Variants in SLC24A2 observed in about 807,000 individuals in gnomAD.
SLC24A2 encodes solute carrier family 24 member 2.
A neutral mutation model predicts 62.0 loss-of-function variants in SLC24A2; 36 were observed. The observed-to-expected ratio is 0.58, with a 90% CI of 0.44 to 0.77. The LOEUF is 0.77. Among genes scored for constraint, SLC24A2 ranks in the 30% least tolerant of loss-of-function variants. The probability of loss-of-function intolerance (pLI) is 0.00; values close to 1 mark genes in which losing one functional copy is unlikely to be tolerated. For synonymous variants in SLC24A2, 358 were observed against 294.0 expected (o/e 1.22, Z -2.23); for missense variants, 846 against 817.9 (o/e 1.03, Z -0.42).
intron 7 of SLC24A2, among the ~76,000 whole-genome samples, chr9:19,561,029 A>C (rs996644046): frequency 1.3e-5 from 2 of 150,924 alleles, no homozygotes; most frequent in Admixed American, 1.3e-4. Flanking sequence ...AGGTTTGAGG[A>C]ATTCTCTTTC....
intron 4 of SLC24A2, among the ~76,000 whole-genome samples, chr9:19,600,322 G>A (rs1184451600): frequency 6.6e-6 from 1 of 152,160 alleles, no homozygotes; most frequent in Non-Finnish European, 1.5e-5. Context: ...TCTCCCTTAC[G>A]TATATTACTA....
At chr9:20,283,763 G>C in the SLC24A2 span, among the ~76,000 whole-genome samples, 69,146 of 139,118 alleles carry the variant, frequency 0.5, 17,340 homozygotes, top group African/African-American at 0.63. Context: ...GGGGGGGGGG[G>C]CTTTAATCTT....
chr9:19,566,554 C>A (rs185073066), intron 7 of SLC24A2, among the ~76,000 whole-genome samples: 1 of 151,670 alleles, frequency 6.6e-6, no homozygotes, highest in African/African-American at 2.4e-5. Context: ...GACAGTGTGG[C>A]GATTCCTCAA....
chr9:20,256,004 G>C, the SLC24A2 span, among the ~76,000 whole-genome samples: 2 of 152,178 alleles, frequency 1.3e-5, no homozygotes, highest in African/African-American at 4.8e-5. Flanking sequence ...CTGGCATCTG[G>C]TGAGGCCATT....
the SLC24A2 span, among the ~76,000 whole-genome samples, chr9:20,029,145 T>G: frequency 6.6e-6 from 1 of 152,130 alleles, no homozygotes; most frequent in East Asian, 1.9e-4. Context: ...TACATCTTCG[T>G]CACCAAAGCT....
intron 7 of SLC24A2, among the ~76,000 whole-genome samples, chr9:19,559,146 A>T (rs7861503): frequency 0.18 from 26,727 of 152,196 alleles, 3,496 homozygotes; most frequent in African/African-American, 0.37. Flanking sequence ...ATGTTACTTA[A>T]TTAAAGTAAA....
intron 2 of SLC24A2, among the ~76,000 whole-genome samples, chr9:19,693,508 C>G (rs773851890): frequency 1.7e-4 from 26 of 152,104 alleles, no homozygotes; most frequent in Non-Finnish European, 3.4e-4. Flanking sequence ...CAAGAAATCA[C>G]TAGATGAAAG....
chr9:20,207,299 G>C, the SLC24A2 span, among the ~76,000 whole-genome samples: 5 of 152,240 alleles, frequency 3.3e-5, no homozygotes, highest in South Asian at 8.3e-4. Flanking sequence ...TGCCTTTTAA[G>C]CTTATCTATG....
chr9:19,515,684 A>T lies in SLC24A2; in HGVS notation c.*469T>A, dbSNP rs1258366286. ...AAAAGATGCATTTGTACTTTTATAT[A>T]TATCTGATTTTATATATATATATAT... On this transcript the variant is annotated 3_prime_UTR_variant, in exon 11 of 11. Transcript: ENST00000341998. 2.0e-5 allele frequency: 3 copies of T among 151,866 alleles called. No homozygotes were observed. Among genetic ancestry groups the T allele is most frequent in the Non-Finnish European group, 4.4e-5 (3 of 68,138 alleles). The allele number at this position is 151,866 out of a possible 1,614,324, so 9.4% of individuals were successfully genotyped here. A position where few individuals can be genotyped will look rare whatever the true frequency, so the allele number is the denominator to read the frequency against.
intron 2 of SLC24A2, among the ~76,000 whole-genome samples, chr9:19,724,330 A>G (rs1028339168): frequency 6.6e-6 from 1 of 152,246 alleles, no homozygotes; most frequent in African/African-American, 2.4e-5. Context: ...TCTACACAGC[A>G]GCATGTGATA....
At chr9:20,237,362 G>C in the SLC24A2 span, among the ~76,000 whole-genome samples, 1 of 152,200 alleles carries the variant, frequency 6.6e-6, no homozygotes, top group Non-Finnish European at 1.5e-5. Context: ...GCTGGAAAAA[G>C]TTAAGTCTAT....
chr9:20,166,573 T>C, the SLC24A2 span, among the ~76,000 whole-genome samples: 2 of 152,030 alleles, frequency 1.3e-5, no homozygotes. Flanking sequence ...GTATGTTTCC[T>C]CTTATGTAAG....
At chr9:19,959,745 A>G in the SLC24A2 span, among the ~76,000 whole-genome samples, 504 of 152,336 alleles carry the variant, frequency 3.3e-3, 1 homozygote, top group African/African-American at 0.012. Context: ...TAGTCTATGC[A>G]GATAACTTAA....
At chr9:19,791,670 G>C (rs554422282), upstream of SLC24A2, among the ~76,000 whole-genome samples, 2 of 152,196 alleles carry the variant, frequency 1.3e-5, no homozygotes, top group African/African-American at 4.8e-5. Context: ...CAGAGGAATT[G>C]AATAACAACT....
At chr9:19,739,154 C>A (rs992880420) in intron 2 of SLC24A2, among the ~76,000 whole-genome samples, 6 of 152,066 alleles carry the variant, frequency 3.9e-5, no homozygotes, top group South Asian at 2.1e-4. Flanking sequence ...TAAATCTAAT[C>A]AAAAATGTGC....
At chr9:19,981,151 G>C in the SLC24A2 span, among the ~76,000 whole-genome samples, 2 of 152,150 alleles carry the variant, frequency 1.3e-5, no homozygotes, top group African/African-American at 2.4e-5. Flanking sequence ...GTTTCAAAAT[G>C]CTAAGATACC....
the SLC24A2 span, among the ~76,000 whole-genome samples, chr9:20,251,568 C>T: frequency 6.6e-6 from 1 of 152,050 alleles, no homozygotes; most frequent in African/African-American, 2.4e-5. Context: ...TATTTTTTCA[C>T]AAAGAGAAAG....
chr9:19,521,862 T>C (rs1833215800), intron 9 of SLC24A2, among the ~76,000 whole-genome samples: 1 of 134,372 alleles, frequency 7.4e-6, no homozygotes, highest in African/African-American at 3.0e-5. Flanking sequence ...ATTACTTTTT[T>C]TCTTTTTTTT....
At chr9:20,042,473 G>C in the SLC24A2 span, among the ~76,000 whole-genome samples, 26 of 152,216 alleles carry the variant, frequency 1.7e-4, no homozygotes, top group African/African-American at 5.8e-4. Flanking sequence ...TCTGAAGTAA[G>C]AATGAAAACC....
Sources: allele counts gnomAD v4.1 joint callset (sites outside exome capture counted in the v4.1 genomes callset), GRCh38; gene constraint gnomAD v4.1.1; transcripts MANE v1.5; gene names NCBI Gene and HGNC (gene_info 2026-07-23, HGNC 2026-07-21).